TRPC4AP: variants seen among roughly 807,000 people sequenced by gnomAD.
TRPC4AP encodes the protein short transient receptor potential channel 4-associated protein.
TRPC4AP carries 45 observed loss-of-function variants against 99.0 expected under a neutral mutation model. The observed-to-expected ratio is 0.45, with a 90% CI of 0.36 to 0.58. The LOEUF is 0.58. Ranked by LOEUF, TRPC4AP falls within the 20% of genes least tolerant of loss-of-function variation. The pLI, the probability that TRPC4AP is intolerant of heterozygous loss-of-function variation, is 0.00. For missense variants in TRPC4AP, 879 were observed against 985.3 expected (o/e 0.89, Z 1.44); for synonymous variants, 408 against 385.8 (o/e 1.06, Z -0.67).
At chr20:35,072,927 C>A (rs2084359677) in intron 2 of TRPC4AP, among the ~76,000 whole-genome samples, 1 of 152,164 alleles carries the variant, frequency 6.6e-6, no homozygotes, top group African/African-American at 2.4e-5. Flanking sequence ...ATGGGATGTT[C>A]TTCCATTTGT....
At chr20:35,086,499 G>GTA (rs374190995) in intron 1 of TRPC4AP, among the ~76,000 whole-genome samples, 5,471 of 124,092 alleles carry the variant, frequency 0.044, 375 homozygotes, top group East Asian at 0.064. Flanking sequence ...ATATATATGT[G>GTA]TATATATATG....
intron 12 of TRPC4AP, 57 bp from the exon 13 acceptor site, chr20:35,008,804 G>A: frequency 6.6e-7 from 1 of 1,511,060 alleles, no homozygotes; most frequent in Non-Finnish European, 9.2e-7. Context: ...GGGCCCTGGG[G>A]ATGGGTCATT....
chr20:35,053,426 T>C (rs1291317252), intron 5 of TRPC4AP, among the ~76,000 whole-genome samples: 2 of 152,232 alleles, frequency 1.3e-5, no homozygotes, highest in Non-Finnish European at 2.9e-5. Context: ...ATAAAACTAG[T>C]GACTATATGG....
At chr20:35,013,447 C>T (rs2082682857) in intron 10 of TRPC4AP, among the ~76,000 whole-genome samples, 1 of 152,202 alleles carries the variant, frequency 6.6e-6, no homozygotes, top group South Asian at 2.1e-4. Flanking sequence ...GGCATAGTTG[C>T]TGCGCCTGTA....
At chr20:35,044,375 T>C (rs1365139668) in intron 7 of TRPC4AP, 130 bp downstream of exon 7, 12 of 898,026 alleles carry the variant, frequency 1.3e-5, no homozygotes, top group Middle Eastern at 3.7e-4. Flanking sequence ...CTGGGTGACA[T>C]AGTGACGATC....
chr20:35,005,933 G>A, intron 15 of TRPC4AP, 130 bp from the exon 16 acceptor site: 6 of 751,478 alleles, frequency 8.0e-6, no homozygotes, highest in Middle Eastern at 3.8e-4. Context: ...GGAAGACAGA[G>A]GCTCAGATAA....
chr20:35,015,871 A>G (rs2082743376), intron 10 of TRPC4AP, 137 bp downstream of exon 10: 2 of 1,109,200 alleles, frequency 1.8e-6, no homozygotes, highest in Admixed American at 2.6e-5. Flanking sequence ...GTAGCTTCCA[A>G]TTAGGGGACT....
chr20:35,003,092 C>A lies in TRPC4AP; in HGVS notation c.*54G>T. 1 of 1,605,550 alleles carries A rather than the reference C, an allele frequency of 6.2e-7. No individual in the cohort carries two copies. The highest frequency in any genetic ancestry group is 8.5e-7 in the Non-Finnish European group (1 of 1,175,478). On this transcript the variant is annotated 3_prime_UTR_variant, in exon 19 of 19. Transcript: ENST00000252015. ...GGGAACAGGGCAGGGCGTGTGGCATCGTACCCACGCTCACCCACACTGGCC... is the reference window on the plus strand; with the variant it reads ...GGGAACAGGGCAGGGCGTGTGGCATAGTACCCACGCTCACCCACACTGGCC...
chr20:35,078,513 T>C (rs1359410492), intron 1 of TRPC4AP, among the ~76,000 whole-genome samples: 1 of 151,958 alleles, frequency 6.6e-6, no homozygotes, highest in Admixed American at 6.6e-5. Flanking sequence ...TGCTAAGAGA[T>C]GAAAAATAAT....
Position 35,002,990 on chromosome 20 carries a change from C to A in TRPC4AP, c.*156G>T. On this transcript the variant is annotated 3_prime_UTR_variant, in exon 19 of 19. Coordinates refer to ENST00000252015, the MANE Select transcript of TRPC4AP (RefSeq NM_015638.3). ...CTAGGGCCCTCAGACCCAGGGGGAC[C>A]AAGGGCTTCTAGGACTTCCCTCCCA... 5 of 1,048,320 alleles carry A rather than the reference C, an allele frequency of 4.8e-6. No individual in the cohort carries two copies. Among genetic ancestry groups the A allele is most frequent in the Non-Finnish European group, 6.9e-6 (5 of 729,626 alleles). The allele number at this position is 1,048,320 out of a possible 1,614,324, so 64.9% of individuals were successfully genotyped here. A position where few individuals can be genotyped will look rare whatever the true frequency, so the allele number is the denominator to read the frequency against.
chr20:35,037,271 C>T (rs1473396090), intron 7 of TRPC4AP, among the ~76,000 whole-genome samples: 1 of 149,318 alleles, frequency 6.7e-6, no homozygotes, highest in Non-Finnish European at 1.5e-5. Context: ...GGCGTGAACC[C>T]AGGAGGCAGA....
At chr20:35,008,582 TA>T (rs2082563059) in intron 13 of TRPC4AP, 81 bp downstream of exon 13, 2 of 1,212,572 alleles carry the variant, frequency 1.6e-6, no homozygotes, top group Non-Finnish European at 2.4e-6. Flanking sequence ...CGCTGGTGAC[TA>T]AAGGAGGTAT....
chr20:35,024,130 C>CT (rs11473089), intron 8 of TRPC4AP, among the ~76,000 whole-genome samples: 27,257 of 146,258 alleles, frequency 0.19, 2,584 homozygotes, highest in Middle Eastern at 0.34. Context: ...TGCACACTCA[C>CT]TTTTTTTTTT....
chr20:35,035,393 A>G, intron 7 of TRPC4AP, 85 bp from the exon 8 acceptor site: 1 of 1,355,484 alleles, frequency 7.4e-7, no homozygotes, highest in Non-Finnish European at 1.0e-6. Flanking sequence ...AATCTGCATG[A>G]TAGGAATAAT....
At chr20:35,076,028 C>T (rs1043711337) in intron 2 of TRPC4AP, among the ~76,000 whole-genome samples, 1 of 152,034 alleles carries the variant, frequency 6.6e-6, no homozygotes, top group Non-Finnish European at 1.5e-5. Flanking sequence ...TCACTGATAC[C>T]CTTTCTTCCA....
intron 1 of TRPC4AP, among the ~76,000 whole-genome samples, chr20:35,082,742 T>C (rs2084679714): frequency 6.6e-6 from 1 of 152,170 alleles, no homozygotes; most frequent in African/African-American, 2.4e-5. Flanking sequence ...TCAATGCAAT[T>C]CACCACATTG....
At chr20:35,020,805 T>C (rs572286117) in intron 9 of TRPC4AP, among the ~76,000 whole-genome samples, 1 of 152,250 alleles carries the variant, frequency 6.6e-6, no homozygotes, top group East Asian at 1.9e-4. Flanking sequence ...TGCCCAGTTT[T>C]CCTAAGCAGA....
chr20:35,041,088 C>A (rs2083436311), intron 7 of TRPC4AP, among the ~76,000 whole-genome samples: 1 of 151,818 alleles, frequency 6.6e-6, no homozygotes, highest in South Asian at 2.1e-4. Flanking sequence ...AGGAACCAAT[C>A]CTGACAGCAC....
At chr20:35,006,294 C>T in intron 15 of TRPC4AP, 141 bp downstream of exon 15, 1 of 956,550 alleles carries the variant, frequency 1.0e-6, no homozygotes, top group Non-Finnish European at 1.6e-6. Flanking sequence ...AGAGCAGGTT[C>T]CAATGAATGT....
Sources: allele counts gnomAD v4.1 joint callset (sites outside exome capture counted in the v4.1 genomes callset), GRCh38; gene constraint gnomAD v4.1.1; transcripts MANE v1.5; gene names NCBI Gene and HGNC (gene_info 2026-07-23, HGNC 2026-07-21).